Variants in ANKS1B observed in about 807,000 individuals in gnomAD.
ANKS1B encodes the protein ankyrin repeat and sterile alpha motif domain-containing protein 1B.
ANKS1B carries 36 observed loss-of-function variants against 148.3 expected under a neutral mutation model. The observed-to-expected ratio is 0.24, with a 90% CI of 0.19 to 0.32. The LOEUF is 0.32. Ranked by LOEUF, ANKS1B falls within the 10% of genes least tolerant of loss-of-function variation. The probability of loss-of-function intolerance (pLI) is 1.00; values close to 1 mark genes in which losing one functional copy is unlikely to be tolerated. For synonymous variants in ANKS1B, 542 were observed against 560.8 expected (o/e 0.97, Z 0.47); for missense variants, 1,157 against 1,542.6 (o/e 0.75, Z 4.19).
intron 11 of ANKS1B, among the ~76,000 whole-genome samples, chr12:99,442,464 G>A (rs1052377900): frequency 2.0e-5 from 3 of 151,694 alleles, no homozygotes; most frequent in African/African-American, 7.3e-5. Context: ...AACCTCATGA[G>A]GATATTTTTA....
chr12:99,078,284 G>GT (rs1469586203), intron 16 of ANKS1B, among the ~76,000 whole-genome samples: 1 of 152,158 alleles, frequency 6.6e-6, no homozygotes, highest in Non-Finnish European at 1.5e-5. Flanking sequence ...ATAGAGTTTA[G>GT]TAGACTCACT....
intron 10 of ANKS1B, among the ~76,000 whole-genome samples, chr12:99,504,062 T>C (rs1181166233): frequency 1.3e-5 from 2 of 152,116 alleles, no homozygotes; most frequent in Admixed American, 6.6e-5. Context: ...ATGAATCTGA[T>C]AATGCCATAA....
chr12:98,850,477 T>TTTTTTC (rs2099517227), intron 17 of ANKS1B, among the ~76,000 whole-genome samples: 1 of 139,994 alleles, frequency 7.1e-6, no homozygotes, highest in Non-Finnish European at 1.5e-5. Flanking sequence ...TTTTTTTTTT[T>TTTTTTC]TTTTTTTTGA....
At chr12:99,662,196 A>G (rs1215073607) in intron 8 of ANKS1B, among the ~76,000 whole-genome samples, 1 of 152,130 alleles carries the variant, frequency 6.6e-6, no homozygotes, top group African/African-American at 2.4e-5. Flanking sequence ...CTTCATCAGG[A>G]TTAATCTTAT....
chr12:98,934,783 A>T lies in ANKS1B; in HGVS notation c.2779-102647T>A, dbSNP rs550142546. 7.2e-5 allele frequency among the ~76,000 whole-genome samples: 11 copies of T among 152,006 alleles called. No homozygotes were observed. In the South Asian group the frequency reaches 1.7e-3, roughly 23 times the overall value. ...CAGATAGTTCATTGTTAGTGTATAG[A>T]AATGCAAGTAATTTTTATATATTGA... On this transcript the variant is annotated intron_variant, in intron 17 of 26. Coordinates refer to ENST00000683438, the MANE Select transcript of ANKS1B (RefSeq NM_001352186.2).
At position 98,823,568 on chromosome 12, in the gene ANKS1B, C is replaced by T. The variant is rs149407628; in HGVS notation, c.3066+5606G>A. Among the ~76,000 whole-genome samples, 179 of 152,372 alleles carry T rather than the reference C, an allele frequency of 1.2e-3. 1 individual carries two copies. Among genetic ancestry groups the T allele is most frequent in the African/African-American group, 4.0e-3 (166 of 41,590 alleles). On this transcript the variant is annotated intron_variant, in intron 19 of 26. Coordinates refer to ENST00000683438, the MANE Select transcript of ANKS1B (RefSeq NM_001352186.2). ...GCAGTGGCACCATCTCAGCTCACTGCAACCTCTGCCTCCAGGGTTCAAGCA... is the reference window on the plus strand; with the variant it reads ...GCAGTGGCACCATCTCAGCTCACTGTAACCTCTGCCTCCAGGGTTCAAGCA...
chr12:99,035,525 C>G (rs2099954995), intron 17 of ANKS1B, among the ~76,000 whole-genome samples: 1 of 152,208 alleles, frequency 6.6e-6, no homozygotes, highest in East Asian at 1.9e-4. Context: ...AATGGACAAT[C>G]TCCCCAGTAT....
chr12:99,327,477 ATATAT>A (rs2086700111), intron 12 of ANKS1B, among the ~76,000 whole-genome samples: 1 of 138,086 alleles, frequency 7.2e-6, no homozygotes, highest in African/African-American at 2.7e-5. Context: ...TGTAAAATAT[ATATAT>A]TATATATTAT....
At chr12:99,101,716 C>G (rs1005170424) in intron 15 of ANKS1B, among the ~76,000 whole-genome samples, 2 of 152,166 alleles carry the variant, frequency 1.3e-5, no homozygotes, top group Non-Finnish European at 2.9e-5. Context: ...TGTGAGCCAC[C>G]ATGCCCAGCT....
intron 14 of ANKS1B, among the ~76,000 whole-genome samples, chr12:99,172,001 AG>A (rs1445573711): frequency 6.6e-6 from 1 of 152,128 alleles, no homozygotes; most frequent in Non-Finnish European, 1.5e-5. Context: ...TGTTGAAGGA[AG>A]GGGAGGATGC....
chr12:98,797,340 CA>C (rs143563878), intron 22 of ANKS1B, among the ~76,000 whole-genome samples: 11,157 of 152,230 alleles, frequency 0.073, 558 homozygotes, highest in Non-Finnish European at 0.11. Flanking sequence ...CTCAGATTGG[CA>C]AGTTATTCCC....
intron 10 of ANKS1B, among the ~76,000 whole-genome samples, chr12:99,472,747 C>T (rs966075240): frequency 2.0e-5 from 3 of 152,016 alleles, no homozygotes; most frequent in Non-Finnish European, 4.4e-5. Flanking sequence ...CATCACCAAT[C>T]TCTATACACC....
At chr12:99,601,857 C>A (rs2097802446) in intron 9 of ANKS1B, among the ~76,000 whole-genome samples, 2 of 152,120 alleles carry the variant, frequency 1.3e-5, no homozygotes, top group East Asian at 3.9e-4. Context: ...TTCTTGAACT[C>A]TCTGTATAGC....
chr12:98,832,126 AT>A lies in ANKS1B; in HGVS notation c.2788del (p.Ile930SerfsTer3). On this transcript the variant is annotated frameshift_variant, in exon 18 of 27. Transcript: ENST00000683438. LOFTEE classifies it high-confidence loss of function. ...ACGTTTCCTGTGGCCAATCAAATTG[AT>A]TTTTAAAACCTGAAACAACATATAT... is the stretch of plus-strand genomic sequence containing the variant. ...WEVELINVLK[I>X]NLIGHRKRIL... 6.4e-7 allele frequency: 1 copy of A among 1,573,874 alleles called. No individual in the cohort carries two copies. The highest frequency in any genetic ancestry group is 8.6e-7 in the Non-Finnish European group (1 of 1,157,868).
chr12:98,950,312 C>G (rs576035426), intron 17 of ANKS1B, among the ~76,000 whole-genome samples: 1 of 152,250 alleles, frequency 6.6e-6, no homozygotes, highest in African/African-American at 2.4e-5. Context: ...GCCTGGCCAA[C>G]ATGGTGAAAC....
Position 99,232,597 on chromosome 12 carries a change from G to C in ANKS1B, c.2419+11745C>G, listed in dbSNP as rs73379333. ...ATCCCATCAAGAAGATATTCAACCT[G>C]ATTCTTAGAAAAGTGTGAGTATTTG... On this transcript the variant is annotated intron_variant, in intron 14 of 26. Coordinates refer to ENST00000683438, the MANE Select transcript of ANKS1B (RefSeq NM_001352186.2). Among the ~76,000 whole-genome samples the C allele has an allele frequency of 1.8e-3, 275 of 152,294 alleles. 2 individuals carry two copies. The highest frequency in any genetic ancestry group is 6.5e-3 in the African/African-American group (270 of 41,568).
intron 1 of ANKS1B, among the ~76,000 whole-genome samples, chr12:99,906,755 G>A (rs1284295863): frequency 6.6e-6 from 1 of 152,138 alleles, no homozygotes; most frequent in Non-Finnish European, 1.5e-5. Flanking sequence ...TTATATTTTT[G>A]TATTTTCTCC....
chr12:99,274,896 G>A (rs1289147563), intron 12 of ANKS1B, among the ~76,000 whole-genome samples: 3 of 152,172 alleles, frequency 2.0e-5, no homozygotes, highest in African/African-American at 7.2e-5. Flanking sequence ...TGGGTTGTTA[G>A]CCAGAACAGT....
At position 98,759,071 on chromosome 12, in the gene ANKS1B, G is replaced by A. The variant is rs537668464; in HGVS notation, c.3580-7549C>T. ...GCTAGAATTATAGGCATGAACCACT[G>A]TGCCCGGCCTGGGATTTTGATCTGC... On this transcript the variant is annotated intron_variant, in intron 25 of 26. Transcript: ENST00000683438. Among the ~76,000 whole-genome samples the A allele has an allele frequency of 1.5e-3, 233 of 151,864 alleles. 1 individual carries two copies. Among genetic ancestry groups the A allele is most frequent in the African/African-American group, 5.2e-3 (217 of 41,396 alleles).
Sources: allele counts gnomAD v4.1 joint callset (sites outside exome capture counted in the v4.1 genomes callset), GRCh38; gene constraint gnomAD v4.1.1; transcripts MANE v1.5; gene names NCBI Gene and HGNC (gene_info 2026-07-23, HGNC 2026-07-21).